Variants in CNTN4 observed in about 807,000 individuals in gnomAD.
CNTN4 encodes the protein contactin 4.
CNTN4 carries 77 observed loss-of-function variants against 122.5 expected under a neutral mutation model. The observed-to-expected ratio is 0.63, with a 90% CI of 0.52 to 0.76. The LOEUF is 0.76. Ranked by LOEUF, CNTN4 falls within the 30% of genes least tolerant of loss-of-function variation. The probability of loss-of-function intolerance (pLI) is 0.00; values close to 1 mark genes in which losing one functional copy is unlikely to be tolerated. For missense variants in CNTN4, 1,256 were observed against 1,259.1 expected, an observed-to-expected ratio of 1.00 and a Z score of 0.04; for synonymous variants, 512 against 447.0, an observed-to-expected ratio of 1.15 and a Z score of -1.83.
intron 3 of CNTN4, among the ~76,000 whole-genome samples, chr3:2,359,092 G>A (rs111375431): frequency 2.6e-5 from 4 of 152,154 alleles, no homozygotes; most frequent in African/African-American, 7.2e-5. Flanking sequence ...TTCTCCAAAT[G>A]AAGTATTGTA....
In CNTN4 at chr3:2,900,452, A is replaced by G. The variant is rs527926871; in HGVS notation, c.941-233A>G. 3.1e-4 allele frequency among the ~76,000 whole-genome samples: 47 copies of G among 152,332 alleles called. 1 individual carries two copies. The South Asian group carries it at 9.7e-3, about 32-fold the overall frequency. On this transcript the variant is annotated intron_variant, in intron 10 of 24. Transcript: ENST00000418658. ...TTAATTTTGCCATATGGATATTGGTAGTTTTATCCATTTTGCATTTAGCGA... is the reference window on the plus strand; with the variant it reads ...TTAATTTTGCCATATGGATATTGGTGGTTTTATCCATTTTGCATTTAGCGA...
At chr3:2,478,524 T>C (rs1575723765) in intron 3 of CNTN4, among the ~76,000 whole-genome samples, 1 of 152,170 alleles carries the variant, frequency 6.6e-6, no homozygotes, top group East Asian at 1.9e-4. Flanking sequence ...GATCATCTCA[T>C]TACCCAGATA....
intron 4 of CNTN4, among the ~76,000 whole-genome samples, chr3:2,688,469 G>A (rs909659417): frequency 6.6e-6 from 1 of 152,200 alleles, no homozygotes; most frequent in Non-Finnish European, 1.5e-5. Context: ...TTGCAAATAT[G>A]TGTATACACA....
chr3:2,518,050 G>A (rs917022009), intron 3 of CNTN4, among the ~76,000 whole-genome samples: 4 of 152,098 alleles, frequency 2.6e-5, no homozygotes, highest in Admixed American at 6.6e-5. Flanking sequence ...AAGGGTATTC[G>A]GTTGATTGCT....
intron 3 of CNTN4, among the ~76,000 whole-genome samples, chr3:2,471,541 C>G (rs1476057950): frequency 6.6e-6 from 1 of 152,110 alleles, no homozygotes; most frequent in African/African-American, 2.4e-5. Flanking sequence ...ATTATTATTT[C>G]CCTTCCGAAA....
intron 3 of CNTN4, among the ~76,000 whole-genome samples, chr3:2,488,311 T>G (rs1237877820): frequency 3.3e-5 from 5 of 152,230 alleles, no homozygotes; most frequent in African/African-American, 1.2e-4. Context: ...CATTCCTAGC[T>G]GGAGCCATTG....
intron 3 of CNTN4, among the ~76,000 whole-genome samples, chr3:2,545,209 A>G (rs535460180): frequency 7.2e-5 from 11 of 151,856 alleles, no homozygotes; most frequent in Non-Finnish European, 1.5e-4. Context: ...ATTGATTTCT[A>G]TTTTTGTTGT....
intron 6 of CNTN4, among the ~76,000 whole-genome samples, chr3:2,772,798 A>G (rs1221406427): frequency 6.6e-6 from 1 of 152,236 alleles, no homozygotes. Flanking sequence ...ATGAGAATGT[A>G]TAAGATCATC....
At chr3:2,242,559 C>T in intron 2 of CNTN4, among the ~76,000 whole-genome samples, 1 of 152,060 alleles carries the variant, frequency 6.6e-6, no homozygotes, top group East Asian at 1.9e-4. Context: ...TAGCAGATTA[C>T]AGGGTCAAAA....
intron 13 of CNTN4, among the ~76,000 whole-genome samples, chr3:2,978,241 T>A (rs1214474222): frequency 6.6e-6 from 1 of 152,182 alleles, no homozygotes; most frequent in Non-Finnish European, 1.5e-5. Context: ...GTTCTCTCTG[T>A]CCAGTATGTC....
At chr3:2,877,060 T>C (rs7651306) in intron 8 of CNTN4, among the ~76,000 whole-genome samples, 39,891 of 152,144 alleles carry the variant, frequency 0.26, 5,291 homozygotes, top group Middle Eastern at 0.37. Flanking sequence ...AGAACCATTG[T>C]TTTAGGAAAA....
intron 2 of CNTN4, among the ~76,000 whole-genome samples, chr3:2,186,714 C>T (rs2037285906): frequency 6.6e-6 from 1 of 152,182 alleles, no homozygotes; most frequent in African/African-American, 2.4e-5. Flanking sequence ...TGTCTGTTGG[C>T]TGCATAAATG....
intron 4 of CNTN4, among the ~76,000 whole-genome samples, chr3:2,712,348 T>C (rs13095949): frequency 0.064 from 9,730 of 152,254 alleles, 400 homozygotes; most frequent in Middle Eastern, 0.099. Context: ...TGAACAACTA[T>C]TGAAAGTCCA....
At chr3:2,456,397 A>G (rs1368518748) in intron 3 of CNTN4, among the ~76,000 whole-genome samples, 1 of 152,148 alleles carries the variant, frequency 6.6e-6, no homozygotes, top group African/African-American at 2.4e-5. Context: ...ATTTTAAAAT[A>G]AACAATTCAG....
intron 3 of CNTN4, among the ~76,000 whole-genome samples, chr3:2,354,830 C>A (rs901451133): frequency 6.6e-6 from 1 of 152,146 alleles, no homozygotes; most frequent in African/African-American, 2.4e-5. Flanking sequence ...GCCAGGAGTT[C>A]TAAGTGAGGT....
chr3:2,649,141 G>A (rs532082581), intron 4 of CNTN4, among the ~76,000 whole-genome samples: 22 of 152,210 alleles, frequency 1.4e-4, no homozygotes, highest in Non-Finnish European at 2.1e-4. Flanking sequence ...ACATAAAAGT[G>A]CAAGGTGTAG....
chr3:3,017,823 T>G (rs1426323224), intron 14 of CNTN4, among the ~76,000 whole-genome samples: 1 of 152,230 alleles, frequency 6.6e-6, no homozygotes, highest in African/African-American at 2.4e-5. Flanking sequence ...TGAGGAAGTC[T>G]GCCACCATAA....
Position 3,026,069 on chromosome 3 carries a change from G to GTTGT in CNTN4, c.1487-31_1487-28dup. The stretch of plus-strand genomic sequence containing the variant: ...TCCACACAAGCTCACAGACTTTGTT[G>GTTGT]TTGTTATTGTTTGTTTTGTTTTAAC... On this transcript the variant is annotated intron_variant, in intron 14 of 24. Coordinates refer to ENST00000418658, the MANE Select transcript of CNTN4 (RefSeq NM_175607.3). 1.9e-6 allele frequency: 3 copies of GTTGT among 1,592,956 alleles called. No individual in the cohort carries two copies. In the East Asian group the frequency reaches 6.7e-5, roughly 36 times the overall value.
rs932298860 is a variant in CNTN4 at position 2,415,883 on chromosome 3, C to T, written c.-89+76650C>T. ...TTGGTTGCAGCACATTTTCCTCCTTCAGTAACAACTCTAGAAGCTTAATAA... is the reference window on the plus strand; with the variant it reads ...TTGGTTGCAGCACATTTTCCTCCTTTAGTAACAACTCTAGAAGCTTAATAA... On this transcript the variant is annotated intron_variant, in intron 3 of 24. Coordinates refer to ENST00000418658, the MANE Select transcript of CNTN4 (RefSeq NM_175607.3). 2.6e-5 allele frequency among the ~76,000 whole-genome samples: 4 copies of T among 152,060 alleles called. No homozygotes were observed. The South Asian group carries it at 8.3e-4, about 32-fold the overall frequency.
Sources: gnomAD v4.1 joint callset for allele counts (sites outside exome capture counted in the v4.1 genomes callset) on GRCh38, gnomAD v4.1.1 for gene constraint, MANE v1.5 for transcripts, NCBI Gene and HGNC (gene_info 2026-07-23, HGNC 2026-07-21) for gene names.